Variants in SLC19A2 observed in about 807,000 individuals in gnomAD.
The protein encoded by SLC19A2 is thiamine transporter 1.
In SLC19A2, 27 loss-of-function variants were observed where a neutral mutation model predicts 44.7. The ratio of observed to expected loss-of-function variants is 0.60; its 90% CI spans 0.45 to 0.83. SLC19A2 has a LOEUF of 0.83. Ranked by LOEUF, SLC19A2 falls within the 40% of genes least tolerant of loss-of-function variation. The probability of loss-of-function intolerance (pLI) is 0.00; values close to 1 mark genes in which losing one functional copy is unlikely to be tolerated. For synonymous variants in SLC19A2, 239 were observed against 243.6 expected (o/e 0.98, Z 0.18); for missense variants, 566 against 613.7 (o/e 0.92, Z 0.82).
At chr1:169,476,481 G>T (rs1658313942) in intron 2 of SLC19A2, among the ~76,000 whole-genome samples, 1 of 152,198 alleles carries the variant, frequency 6.6e-6, no homozygotes, top group Non-Finnish European at 1.5e-5. Flanking sequence ...CACTTTGGGA[G>T]GCTGAGGCTG....
rs749521584 is a variant in SLC19A2 at position 169,468,853 on chromosome 1, A to C, written c.1031-17T>G. ...CAACAGCACCTACAGAACAAACAAA[A>C]AAAATCCAATTATTTTGCTACACAA... On this transcript the variant is annotated splice_polypyrimidine_tract_variant and intron_variant, in intron 3 of 5. Coordinates refer to ENST00000236137, the MANE Select transcript of SLC19A2 (RefSeq NM_006996.3). 7.4e-6 allele frequency: 12 copies of C among 1,611,410 alleles called. No homozygotes were observed. The highest frequency in any genetic ancestry group is 1.7e-5 in the Admixed American group (1 of 59,938).
chr1:169,485,441 T>C, intron 1 of SLC19A2, 122 bp downstream of exon 1: 1 of 1,137,948 alleles, frequency 8.8e-7, no homozygotes, highest in Non-Finnish European at 1.3e-6. Flanking sequence ...GACCTCCAAC[T>C]GGCAAAATCA....
chr1:169,472,391 C>G (rs1658206866), intron 2 of SLC19A2, among the ~76,000 whole-genome samples: 1 of 152,150 alleles, frequency 6.6e-6, no homozygotes, highest in South Asian at 2.1e-4. Context: ...AAGAATGGAA[C>G]TATTAAAAGG....
At position 169,465,777 on chromosome 1, in the gene SLC19A2, TA is replaced by T; in HGVS notation, c.*71del. 1.3e-6 allele frequency: 2 copies of T among 1,555,174 alleles called. No individual in the cohort carries two copies. The highest frequency in any genetic ancestry group is 8.8e-7 in the Non-Finnish European group (1 of 1,132,890). ...CATTCATAAATATATGTCTACGCTT[TA>T]AAAAATCAAACACATCCAGGCAGTT... On this transcript the variant is annotated 3_prime_UTR_variant, in exon 6 of 6. Coordinates refer to ENST00000236137, the MANE Select transcript of SLC19A2 (RefSeq NM_006996.3).
Position 169,485,815 on chromosome 1 carries a change from T to G in SLC19A2, c.-49A>C. 1 of 1,494,180 alleles carries G rather than the reference T, an allele frequency of 6.7e-7. No individual in the cohort carries two copies. The highest frequency in any genetic ancestry group is 8.9e-7 in the Non-Finnish European group (1 of 1,127,412). 92.6% of individuals were successfully genotyped at this position (1,494,180 alleles called of 1,614,324 possible). A position where few individuals can be genotyped will look rare whatever the true frequency, so the allele number is the denominator to read the frequency against. On this transcript the variant is annotated 5_prime_UTR_variant, in exon 1 of 6. Coordinates refer to ENST00000236137, the MANE Select transcript of SLC19A2 (RefSeq NM_006996.3). ...CGGCCCGGCCCCTTCCTTCTCCTCCTCCGCCAACTGGAGTGAGGGTCAGGC... is the reference window on the plus strand; with the variant it reads ...CGGCCCGGCCCCTTCCTTCTCCTCCGCCGCCAACTGGAGTGAGGGTCAGGC...
intron 1 of SLC19A2, 55 bp from the exon 2 acceptor site, chr1:169,477,812 A>G: frequency 6.5e-7 from 1 of 1,528,082 alleles, no homozygotes; most frequent in South Asian, 1.2e-5. Context: ...AAGGACCTGG[A>G]ATACTCATAA....
In SLC19A2 at chr1:169,485,713, C is replaced by G. The variant is rs914482037; in HGVS notation, c.54G>C (p.Val18=). The G allele has an allele frequency of 1.0e-4, 160 of 1,540,682 alleles. No homozygotes were observed. The highest frequency in any genetic ancestry group is 1.3e-4 in the Non-Finnish European group (152 of 1,145,690). The part of the protein sequence containing the change: ...SRRAAAAAAT[V]LLRTARVRRE... ...GACGGACCCGAGCGGTCCGCAGGAGCACAGTGGCCGCCGCCGCCGCCGCCC... is the reference window on the plus strand; with the variant it reads ...GACGGACCCGAGCGGTCCGCAGGAGGACAGTGGCCGCCGCCGCCGCCGCCC... Residue 18 remains valine, a synonymous_variant, in exon 1 of 6, where the codon GTG becomes GTC. Coordinates refer to ENST00000236137, the MANE Select transcript of SLC19A2 (RefSeq NM_006996.3).
intron 2 of SLC19A2, among the ~76,000 whole-genome samples, chr1:169,476,783 A>C (rs1658326488): frequency 6.6e-6 from 1 of 152,146 alleles, no homozygotes; most frequent in African/African-American, 2.4e-5. Flanking sequence ...TAGATACTTA[A>C]TCATTTATTA....
chr1:169,465,958 T>C lies in SLC19A2; in HGVS notation c.1385A>G (p.Tyr462Cys), dbSNP rs1657977263. 3 of 1,613,902 alleles carry C rather than the reference T, an allele frequency of 1.9e-6. No individual in the cohort carries two copies. The highest frequency in any genetic ancestry group is 2.5e-6 in the Non-Finnish European group (3 of 1,179,950). Residue 462 changes from tyrosine to cysteine, a missense_variant, in exon 6 of 6, where the codon TAT becomes TGT. By Grantham distance (194) the Tyr-to-Cys change is radical (BLOSUM62 -2). Transcript: ENST00000236137. Reference protein sequence around the residue: ...ITTQFLIYASYFALIAVVFLA... With the variant: ...ITTQFLIYASCFALIAVVFLA... Reference sequence around the variant, plus strand: ...GAAAACCACAGCGATGAGTGCAAAATAACTGGCATAGATCAAAAACTAGAA... The same window carrying C: ...GAAAACCACAGCGATGAGTGCAAAACAACTGGCATAGATCAAAAACTAGAA...
intron 2 of SLC19A2, among the ~76,000 whole-genome samples, chr1:169,471,787 T>C (rs922754114): frequency 6.6e-6 from 1 of 151,728 alleles, no homozygotes; most frequent in Non-Finnish European, 1.5e-5. Flanking sequence ...CCATCAACAT[T>C]AGTTAAATAA....
At position 169,465,637 on chromosome 1, in the gene SLC19A2, G is replaced by A. The variant is rs1194169903; in HGVS notation, c.*212C>T. ...CAGAAAAAAAGTCATCCTTAAATTA[G>A]CTCTCATAAATAATCCATGAAATAA... On this transcript the variant is annotated 3_prime_UTR_variant, in exon 6 of 6. Coordinates refer to ENST00000236137, the MANE Select transcript of SLC19A2 (RefSeq NM_006996.3). 1 of 567,422 alleles carries A rather than the reference G, an allele frequency of 1.8e-6. No homozygotes were observed. Among genetic ancestry groups the A allele is most frequent in the Non-Finnish European group, 3.1e-6 (1 of 321,516 alleles). The allele number at this position is 567,422 out of a possible 1,614,324, so 35.1% of individuals were successfully genotyped here. A position where few individuals can be genotyped will look rare whatever the true frequency, so the allele number is the denominator to read the frequency against.
chr1:169,472,086 A>C (rs1276142584), intron 2 of SLC19A2, among the ~76,000 whole-genome samples: 1 of 152,192 alleles, frequency 6.6e-6, no homozygotes, highest in Non-Finnish European at 1.5e-5. Flanking sequence ...AGTACAACAT[A>C]CTGCTGTTAC....
At chr1:169,483,793 A>G (rs567185549) in intron 1 of SLC19A2, among the ~76,000 whole-genome samples, 165 of 152,340 alleles carry the variant, frequency 1.1e-3, no homozygotes, top group African/African-American at 3.7e-3. Flanking sequence ...AAGGCGCACA[A>G]ACTGTGCAGA....
rs111636883 is a variant in SLC19A2, at chr1:169,478,899, T to C, written c.205-1142A>G. Among the ~76,000 whole-genome samples, 604 of 151,724 alleles carry C rather than the reference T, an allele frequency of 4.0e-3. 7 individuals carry two copies. The highest frequency in any genetic ancestry group is 0.014 in the African/African-American group (573 of 41,398). Reference sequence around the variant, plus strand: ...TTATGATCACACCACTACACTCCAGTCTGTATGACAGAGCAAGACTCTGTC... The same window carrying C: ...TTATGATCACACCACTACACTCCAGCCTGTATGACAGAGCAAGACTCTGTC... On this transcript the variant is annotated intron_variant, in intron 1 of 5. Coordinates refer to ENST00000236137, the MANE Select transcript of SLC19A2 (RefSeq NM_006996.3).
At position 169,464,785 on chromosome 1, in the gene SLC19A2, C is replaced by T. The variant is rs911424164; in HGVS notation, c.*1064G>A. 4 of 152,704 alleles carry T rather than the reference C, an allele frequency of 2.6e-5. No individual in the cohort carries two copies. In the South Asian group the frequency reaches 8.3e-4, roughly 32 times the overall value. The allele number at this position is 152,704 out of a possible 1,614,324, so 9.5% of individuals were successfully genotyped here. Reference sequence around the variant, plus strand: ...TTAAGGTAAAAAAATGCAGGAATCACATCTATCCTAGTTCCTGTCCCATTG... The same window carrying T: ...TTAAGGTAAAAAAATGCAGGAATCATATCTATCCTAGTTCCTGTCCCATTG... On this transcript the variant is annotated 3_prime_UTR_variant, in exon 6 of 6. Transcript: ENST00000236137.
chr1:169,485,457 C>T, intron 1 of SLC19A2, 106 bp downstream of exon 1: 1 of 1,286,426 alleles, frequency 7.8e-7, no homozygotes, highest in South Asian at 1.3e-5. Context: ...AATCAGAAAT[C>T]TCTGCCGAGA....
At position 169,485,699 on chromosome 1, in the gene SLC19A2, G is replaced by T; in HGVS notation, c.68C>A (p.Ala23Asp). ...AAAATVLLRT[A>D]RVRRECWFLP... Reference sequence around the variant, plus strand: ...GAACCAGCATTCGCGACGGACCCGAGCGGTCCGCAGGAGCACAGTGGCCGC... The same window carrying T: ...GAACCAGCATTCGCGACGGACCCGATCGGTCCGCAGGAGCACAGTGGCCGC... The change falls in exon 1 of 6, where the codon GCT becomes GAT. Residue 23 changes from alanine to aspartate, a missense_variant. Physicochemically the swap from Ala to Asp is moderately radical, Grantham distance 126. Coordinates refer to ENST00000236137, the MANE Select transcript of SLC19A2 (RefSeq NM_006996.3). 1.9e-6 allele frequency: 3 copies of T among 1,546,000 alleles called. No homozygotes were observed. The highest frequency in any genetic ancestry group is 8.7e-7 in the Non-Finnish European group (1 of 1,146,638).
chr1:169,468,860 C>A (rs1376334886), intron 3 of SLC19A2, 24 bp from the exon 4 acceptor site: 1 of 1,606,246 alleles, frequency 6.2e-7, no homozygotes, highest in South Asian at 1.1e-5. Context: ...AAAAAAAATC[C>A]AATTATTTTG....
chr1:169,470,581 C>T (rs530805657), intron 2 of SLC19A2, among the ~76,000 whole-genome samples: 2 of 152,134 alleles, frequency 1.3e-5, no homozygotes, highest in African/African-American at 2.4e-5. Flanking sequence ...CAGTTAAGGC[C>T]TCCTATCGTT....
Sources: gnomAD v4.1 joint callset for allele counts (sites outside exome capture counted in the v4.1 genomes callset) on GRCh38, gnomAD v4.1.1 for gene constraint, MANE v1.5 for transcripts, NCBI Gene and HGNC (gene_info 2026-07-23, HGNC 2026-07-21) for gene names.